TRPC3: variants seen among roughly 807,000 people sequenced by gnomAD.
TRPC3 encodes the protein transient receptor potential cation channel subfamily C member 3.
Under a neutral mutation model 90.9 loss-of-function variants are expected in TRPC3, and 54 were observed. The observed-to-expected ratio is 0.59, with a 90% confidence interval of 0.48 to 0.75. The LOEUF (loss-of-function observed/expected upper bound fraction) is 0.75, where lower values mean the gene tolerates loss of function less well. Among genes scored for constraint, TRPC3 ranks in the 30% least tolerant of loss-of-function variants. TRPC3 has a pLI of 0.00. For missense variants in TRPC3, 918 were observed against 1,194.5 expected, an observed-to-expected ratio of 0.77 and a Z score of 3.41; for synonymous variants, 424 against 450.9, an observed-to-expected ratio of 0.94 and a Z score of 0.75.
chr4:121,945,239 T>A (rs1350500654), intron 1 of TRPC3, among the ~76,000 whole-genome samples: 1 of 152,202 alleles, frequency 6.6e-6, no homozygotes, highest in Non-Finnish European at 1.5e-5. Flanking sequence ...ATATTGCCAA[T>A]GTTAGGGCTT....
chr4:121,930,830 TAA>T (rs71599162), intron 2 of TRPC3: 8,434 of 200,124 alleles, frequency 0.042, no homozygotes, highest in South Asian at 0.071. Flanking sequence ...CTCTGAGATC[TAA>T]AAAAAAAAAA....
chr4:121,949,791 T>G (rs1375727207), intron 1 of TRPC3, among the ~76,000 whole-genome samples: 1 of 152,174 alleles, frequency 6.6e-6, no homozygotes, highest in Non-Finnish European at 1.5e-5. Context: ...ATACAAAAGA[T>G]GTTCTATTAG....
At chr4:121,933,134 C>G in intron 1 of TRPC3, 92 bp from the exon 2 acceptor site, 2 of 1,449,806 alleles carry the variant, frequency 1.4e-6, no homozygotes, top group Non-Finnish European at 1.8e-6. Flanking sequence ...ACACACTACC[C>G]ACTGCAAACC....
intron 1 of TRPC3, among the ~76,000 whole-genome samples, chr4:121,935,505 C>T (rs1730101010): frequency 6.6e-6 from 1 of 151,716 alleles, no homozygotes; most frequent in Non-Finnish European, 1.5e-5. Flanking sequence ...AACTTTGTTT[C>T]AAGACCAAAC....
intron 1 of TRPC3, among the ~76,000 whole-genome samples, chr4:121,936,555 G>A (rs1730135978): frequency 6.6e-6 from 1 of 152,188 alleles, no homozygotes; most frequent in Non-Finnish European, 1.5e-5. Context: ...ACCAAATTGT[G>A]TCCCCACAAA....
chr4:121,893,771 G>T (rs1233838344), intron 10 of TRPC3, among the ~76,000 whole-genome samples: 1 of 152,028 alleles, frequency 6.6e-6, no homozygotes, highest in African/African-American at 2.4e-5. Context: ...AAAATATGAA[G>T]AATTCCTCTT....
At chr4:121,934,676 G>A (rs952836120) in intron 1 of TRPC3, among the ~76,000 whole-genome samples, 3 of 152,198 alleles carry the variant, frequency 2.0e-5, no homozygotes, top group Admixed American at 6.5e-5. Flanking sequence ...CTCCCTGGGT[G>A]CCTGGGGTGG....
chr4:121,940,796 CCTT>C (rs1384384920), intron 1 of TRPC3, among the ~76,000 whole-genome samples: 1 of 152,116 alleles, frequency 6.6e-6, no homozygotes, highest in Non-Finnish European at 1.5e-5. Context: ...ATTTTTGTCT[CCTT>C]GATTATTGTC....
chr4:121,951,738 G>A lies in TRPC3; in HGVS notation c.-58C>T, dbSNP rs957557617. 4.3e-4 allele frequency: 539 copies of A among 1,261,092 alleles called. No individual in the cohort carries two copies. The highest frequency in any genetic ancestry group is 5.4e-4 in the Admixed American group (13 of 23,920). 78.1% of individuals were successfully genotyped at this position (1,261,092 alleles called of 1,614,324 possible). A position where few individuals can be genotyped will look rare whatever the true frequency, so the allele number is the denominator to read the frequency against. ...GGCTGCCGGCCTCCTCCGCCTTCGCGGCAGTGCAGTCTTCCCGCGGCGCCC... is the reference window on the plus strand; with the variant it reads ...GGCTGCCGGCCTCCTCCGCCTTCGCAGCAGTGCAGTCTTCCCGCGGCGCCC... On this transcript the variant is annotated 5_prime_UTR_variant, in exon 1 of 12. Coordinates refer to ENST00000379645, the MANE Select transcript of TRPC3 (RefSeq NM_001130698.2). This position sits in a 1 kb window ranked among gnomAD's most constrained non-coding sequence, Gnocchi z 4.4.
chr4:121,912,205 C>T lies in TRPC3; in HGVS notation c.1342-112G>A, dbSNP rs529647497. 8.9e-5 allele frequency: 77 copies of T among 864,396 alleles called. No individual in the cohort carries two copies. In the East Asian group the frequency reaches 2.1e-3, roughly 23 times the overall value. 53.5% of individuals were successfully genotyped at this position (864,396 alleles called of 1,614,324 possible). A position where few individuals can be genotyped will look rare whatever the true frequency, so the allele number is the denominator to read the frequency against. On this transcript the variant is annotated intron_variant, in intron 4 of 11. Coordinates refer to ENST00000379645, the MANE Select transcript of TRPC3 (RefSeq NM_001130698.2). ...TGAAAGGAGAACACTCAAAATTCTG[C>T]TTCTGTTTCCAAAAAGCTTTATATT... is the stretch of plus-strand genomic sequence containing the variant.
chr4:121,921,760 T>C (rs72680801), intron 3 of TRPC3, among the ~76,000 whole-genome samples: 4,078 of 152,082 alleles, frequency 0.027, 77 homozygotes, highest in Middle Eastern at 0.048. Flanking sequence ...TGTGCATCAT[T>C]ATAACCCAAG....
chr4:121,880,010 C>T (rs1727887573), intron 11 of TRPC3, 132 bp from the exon 12 acceptor site: 3 of 765,772 alleles, frequency 3.9e-6, no homozygotes, highest in Non-Finnish European at 5.7e-6. Flanking sequence ...AAAGTTTTTT[C>T]TTTAAAATAT....
chr4:121,949,467 A>G (rs1311311438), intron 1 of TRPC3, among the ~76,000 whole-genome samples: 1 of 152,130 alleles, frequency 6.6e-6, no homozygotes, highest in Non-Finnish European at 1.5e-5. Flanking sequence ...GACCCTGGGT[A>G]TCCTTCTCGG....
chr4:121,893,853 A>G (rs2149110988), intron 10 of TRPC3, among the ~76,000 whole-genome samples: 1 of 152,280 alleles, frequency 6.6e-6, no homozygotes, highest in East Asian at 1.9e-4. Flanking sequence ...CATTAAACAT[A>G]AAAAGGAAGG....
chr4:121,937,532 G>T (rs1012669532), intron 1 of TRPC3, among the ~76,000 whole-genome samples: 7 of 152,254 alleles, frequency 4.6e-5, no homozygotes, highest in Non-Finnish European at 1.0e-4. Context: ...GCCTTCAGCA[G>T]TGACTGTTTA....
intron 10 of TRPC3, among the ~76,000 whole-genome samples, chr4:121,897,435 A>T (rs1342747019): frequency 7.0e-6 from 1 of 143,022 alleles, no homozygotes; most frequent in Admixed American, 7.0e-5. Context: ...TATACAGGGA[A>T]CTCAATCATC....
At chr4:121,892,403 A>G (rs947231671) in intron 10 of TRPC3, among the ~76,000 whole-genome samples, 2 of 152,178 alleles carry the variant, frequency 1.3e-5, no homozygotes, top group Non-Finnish European at 2.9e-5. Context: ...TTTCTTCTCT[A>G]TCACTTTCTA....
rs1729949794 is a variant in TRPC3 at position 121,932,054 on chromosome 4, C to T, written c.987+217G>A. On this transcript the variant is annotated intron_variant, in intron 2 of 11. Coordinates refer to ENST00000379645, the MANE Select transcript of TRPC3 (RefSeq NM_001130698.2). This position sits in a 1 kb window ranked among gnomAD's most constrained non-coding sequence, Gnocchi z 7.7. ...GCACCATAATTATAGCTCTCTGATC[C>T]AGAATACTGGATCCCCAAAGCGAAT... Among the ~76,000 whole-genome samples the T allele has an allele frequency of 6.6e-6, 1 of 152,164 alleles. No individual in the cohort carries two copies. The highest frequency in any genetic ancestry group is 2.1e-4 in the South Asian group (1 of 4,834).
intron 9 of TRPC3, 37 bp downstream of exon 9, chr4:121,902,815 A>G: frequency 6.9e-7 from 1 of 1,451,276 alleles, no homozygotes; most frequent in Non-Finnish European, 9.4e-7. Context: ...AAGACAGAAC[A>G]TTTATTTTAA....
Sources: gnomAD v4.1 joint callset for allele counts (sites outside exome capture counted in the v4.1 genomes callset) on GRCh38, gnomAD v4.1.1 for gene constraint, Gnocchi (gnomAD v3.1) non-coding constraint, MANE v1.5 for transcripts, NCBI Gene and HGNC (gene_info 2026-07-23, HGNC 2026-07-21) for gene names.